The following FCRL5 variants were observed in gnomAD, a reference collection of about 807,000 sequenced individuals.
FCRL5 encodes the protein Fc receptor-like protein 5.
FCRL5 carries 79 observed loss-of-function variants against 92.1 expected under a neutral mutation model. The ratio of observed to expected loss-of-function variants is 0.86; its 90% CI spans 0.72 to 1.03. The LOEUF (loss-of-function observed/expected upper bound fraction) is 1.03, where lower values mean the gene tolerates loss of function less well. FCRL5 is among the 50% of genes least tolerant of loss of function. FCRL5 has a pLI of 0.00. For missense variants in FCRL5, 1,160 were observed against 1,181.1 expected, an observed-to-expected ratio of 0.98 and a Z score of 0.26; for synonymous variants, 466 against 469.3, an observed-to-expected ratio of 0.99 and a Z score of 0.09.
rs539656232 is a variant in FCRL5, at chr1:157,541,267, C to G, written c.1123+1592G>C. 5.3e-5 allele frequency among the ~76,000 whole-genome samples: 8 copies of G among 152,312 alleles called. No individual in the cohort carries two copies. In the South Asian group the frequency reaches 1.0e-3, roughly 20 times the overall value. ...GCCTGGGGTTTGCTCCAACTGGACG[C>G]TCTCTTGATGAACCCTCTCTTTTAC... is the stretch of plus-strand genomic sequence containing the variant. On this transcript the variant is annotated intron_variant, in intron 6 of 16. Transcript: ENST00000361835.
chr1:157,534,435 G>A (rs902195829), intron 8 of FCRL5, 179 bp downstream of exon 8: 59 of 741,286 alleles, frequency 8.0e-5, no homozygotes, highest in Non-Finnish European at 1.4e-4. Flanking sequence ...TGTTTTAGGG[G>A]TCTGGCTGAG....
intron 1 of FCRL5, among the ~76,000 whole-genome samples, chr1:157,551,875 C>T (rs1397424068): frequency 1.3e-5 from 2 of 152,134 alleles, no homozygotes; most frequent in African/African-American, 4.8e-5. Flanking sequence ...CAGTGGTTTG[C>T]AATTATGTAC....
chr1:157,544,000 G>C (rs1651396124), intron 5 of FCRL5, among the ~76,000 whole-genome samples: 1 of 152,120 alleles, frequency 6.6e-6, no homozygotes, highest in African/African-American at 2.4e-5. Flanking sequence ...TGATGTCAGG[G>C]AAGAGAACCC....
intron 6 of FCRL5, 108 bp from the exon 7 acceptor site, chr1:157,539,472 G>T: frequency 1.9e-6 from 2 of 1,040,956 alleles, no homozygotes; most frequent in Non-Finnish European, 2.7e-6. Context: ...AAAGGGAAAA[G>T]TCAAGCTGGG....
intron 1 of FCRL5, among the ~76,000 whole-genome samples, chr1:157,550,643 A>G (rs1308995363): frequency 1.3e-5 from 2 of 152,182 alleles, no homozygotes; most frequent in Admixed American, 1.3e-4. Flanking sequence ...CCTTATGTTC[A>G]CCATATATCC....
chr1:157,549,665 G>C, intron 1 of FCRL5, 85 bp from the exon 2 acceptor site: 1 of 1,217,622 alleles, frequency 8.2e-7, no homozygotes, highest in Non-Finnish European at 1.2e-6. Context: ...ACCCATGCAT[G>C]TATTACTTGT....
rs542902383 is a variant in FCRL5 at position 157,531,754 on chromosome 1, T to A, written c.1681+2860A>T. Among the ~76,000 whole-genome samples the A allele has an allele frequency of 4.6e-5, 7 of 152,250 alleles. No homozygotes were observed. The South Asian group carries it at 1.5e-3, about 32-fold the overall frequency. ...GATACTGCATGATTTCACTCATATT[T>A]TGAATCTAAAAAAATACAAAGTTGA... On this transcript the variant is annotated intron_variant, in intron 8 of 16. Transcript: ENST00000361835.
chr1:157,534,983 C>T, intron 7 of FCRL5, 91 bp from the exon 8 acceptor site: 6 of 1,287,288 alleles, frequency 4.7e-6, no homozygotes, highest in Non-Finnish European at 6.3e-6. Flanking sequence ...GTCTCCAGTA[C>T]AGGATCTCTA....
Position 157,524,393 on chromosome 1 carries a change from C to G in FCRL5, c.2125G>C (p.Gly709Arg). ...TLGKISAPSG[G>R]GASFNLSLTT... ...AGAGAGAGGTTGAAGGAGGCCCCTC[C>G]TCCAGAGGGGGCTGAGATCTTACCC... The change falls in exon 10 of 17, where the codon GGA (glycine) becomes CGA (arginine). Residue 709 changes from glycine to arginine, a missense_variant. By Grantham distance (125) the Gly-to-Arg change is moderately radical (BLOSUM62 -2). Coordinates refer to ENST00000361835, the MANE Select transcript of FCRL5 (RefSeq NM_031281.3). 1.2e-6 allele frequency: 2 copies of G among 1,614,190 alleles called. No homozygotes were observed. Among genetic ancestry groups the G allele is most frequent in the Non-Finnish European group, 1.7e-6 (2 of 1,179,974 alleles).
In FCRL5 at chr1:157,534,732, A is replaced by C; in HGVS notation, c.1563T>G (p.Ser521=). Residue 521 remains serine (S), a synonymous_variant, in exon 8 of 17, where the codon TCT becomes TCG. Transcript: ENST00000361835. ...AGAAGCTGAAGGACACTCTTCCCAC[A>C]GAGGGTGTTGAGCTGCTCCACAGGG... is the stretch of plus-strand genomic sequence containing the variant. The part of the protein sequence containing the change: ...DMPLWSSSTP[S]VGRVSFSFSL... The C allele has an allele frequency of 6.2e-7, 1 of 1,614,130 alleles. No homozygotes were observed. The highest frequency in any genetic ancestry group is 8.5e-7 in the Non-Finnish European group (1 of 1,180,016).
At chr1:157,531,727 C>G (rs1266886476) in intron 8 of FCRL5, among the ~76,000 whole-genome samples, 2 of 152,094 alleles carry the variant, frequency 1.3e-5, no homozygotes, top group Non-Finnish European at 2.9e-5. Context: ...CACAGAGAGA[C>G]TGATACTGCA....
In FCRL5 at chr1:157,544,383, G is replaced by A; in HGVS notation, c.723C>T (p.Leu241=). The part of the protein sequence containing the change: ...DDQTLGLGWS[L]SPNFQITAMW... ...TGGCAGTAATCTGGAAATTCGGGGA[G>A]AGACTCCAGCCTAATCCCAGGGTCT... Residue 241 remains leucine, a synonymous_variant, in exon 5 of 17, where the codon CTC becomes CTT. Transcript: ENST00000361835. The A allele has an allele frequency of 1.2e-6, 2 of 1,614,228 alleles. No individual in the cohort carries two copies. The highest frequency in any genetic ancestry group is 1.7e-6 in the Non-Finnish European group (2 of 1,180,044).
chr1:157,547,236 C>G, intron 2 of FCRL5, 39 bp from the exon 3 acceptor site: 1 of 1,608,418 alleles, frequency 6.2e-7, no homozygotes, highest in South Asian at 1.1e-5. Context: ...GGTGGAGGCG[C>G]CTGCAGACCC....
At position 157,539,214 on chromosome 1, in the gene FCRL5, G is replaced by A. The variant is rs745804719; in HGVS notation, c.1274C>T (p.Ser425Leu). 5.6e-6 allele frequency: 9 copies of A among 1,614,190 alleles called. No homozygotes were observed. Among genetic ancestry groups the A allele is most frequent in the Middle Eastern group, 1.6e-4 (1 of 6,062 alleles). ...HHEGAALERR[S>L]ANSAGGVAIS... ...GGCCACTCCTCCTGCAGAGTTGGCC[G>A]ACCTACGCTCCAGGGCAGCACCCTC... Residue 425 changes from serine (S) to leucine (L), a missense_variant, in exon 7 of 17, where the codon TCG becomes TTG. Transcript: ENST00000361835.
At chr1:157,542,116 C>A (rs1234992852) in intron 6 of FCRL5, 1 of 152,306 alleles carries the variant, frequency 6.6e-6, no homozygotes, top group Non-Finnish European at 1.5e-5. Context: ...CCAACCAAGA[C>A]TGGACTCTCT....
intron 15 of FCRL5, among the ~76,000 whole-genome samples, chr1:157,518,013 G>T (rs1389733442): frequency 6.6e-6 from 1 of 152,142 alleles, no homozygotes; most frequent in Non-Finnish European, 1.5e-5. Context: ...ACCTGACCAT[G>T]CTGGCACCTT....
At position 157,515,384 on chromosome 1, in the gene FCRL5, C is replaced by A. The variant is rs1408873473; in HGVS notation, c.*291G>T. ...GGTGTGATGAGAGCAGTACTCAGAA[C>A]AGCAACCACAGCTGAAGCCCACTAA... is the stretch of plus-strand genomic sequence containing the variant. On this transcript the variant is annotated 3_prime_UTR_variant, in exon 17 of 17. Coordinates refer to ENST00000361835, the MANE Select transcript of FCRL5 (RefSeq NM_031281.3). 6.2e-6 allele frequency: 3 copies of A among 483,752 alleles called. No individual in the cohort carries two copies. The Admixed American group carries it at 1.0e-4, about 16-fold the overall frequency. 30.0% of individuals were successfully genotyped at this position (483,752 alleles called of 1,614,324 possible). A position where few individuals can be genotyped will look rare whatever the true frequency, so the allele number is the denominator to read the frequency against.
Position 157,539,075 on chromosome 1 carries a change from C to T in FCRL5, c.1402+11G>A, listed in dbSNP as rs750463062. 1.2e-6 allele frequency: 2 copies of T among 1,610,408 alleles called. No individual in the cohort carries two copies. The highest frequency in any genetic ancestry group is 2.2e-5 in the South Asian group (2 of 90,454). ...CCAGGGGTGGGTGATTGGCAGGAAC[C>T]CAGGGCTTACCAGTGACGGAGAGGC... On this transcript the variant is annotated intron_variant, in intron 7 of 16. Coordinates refer to ENST00000361835, the MANE Select transcript of FCRL5 (RefSeq NM_031281.3).
Position 157,539,104 on chromosome 1 carries a change from C to T in FCRL5, c.1384G>A (p.Val462Met). 6.2e-7 allele frequency: 1 copy of T among 1,613,672 alleles called. No individual in the cohort carries two copies. The highest frequency in any genetic ancestry group is 8.5e-7 in the Non-Finnish European group (1 of 1,179,886). The change falls in exon 7 of 17, where the codon GTG (valine) becomes ATG (methionine). Residue 462 changes from valine to methionine, a missense_variant. Transcript: ENST00000361835. ...NGFGPQRSKAVSLSVTVPVSH... is the reference protein window; with the variant it reads ...NGFGPQRSKAMSLSVTVPVSH... ...GGCTTACCAGTGACGGAGAGGCTCA[C>T]CGCCTTACTGCGCTGGGGGCCAAAG...
Sources: gnomAD v4.1 joint callset for allele counts (sites outside exome capture counted in the v4.1 genomes callset) on GRCh38, gnomAD v4.1.1 for gene constraint, MANE v1.5 for transcripts, NCBI Gene and HGNC (gene_info 2026-07-23, HGNC 2026-07-21) for gene names.